The following TMEM170B variants were observed in gnomAD, a reference collection of about 807,000 sequenced individuals.
The protein encoded by TMEM170B is transmembrane protein 170B.
In TMEM170B, 6 loss-of-function variants were observed where a neutral mutation model predicts 13.0. The observed-to-expected ratio is 0.46, with a 90% CI of 0.25 to 0.91. The LOEUF is 0.91. Ranked by LOEUF, TMEM170B falls within the 40% of genes least tolerant of loss-of-function variation. The pLI, the probability that TMEM170B is intolerant of heterozygous loss-of-function variation, is 0.17. For missense variants in TMEM170B, 138 were observed against 165.2 expected, an observed-to-expected ratio of 0.84 and a Z score of 0.90; for synonymous variants, 61 against 64.9, an observed-to-expected ratio of 0.94 and a Z score of 0.29.
At position 11,575,434 on chromosome 6, in the gene TMEM170B, C is replaced by G; in HGVS notation, c.272C>G (p.Ala91Gly). ...ASVTGAMITS[A>G]AVAGIYRVAG... ...TTTTTCTCCCGTTTCTCCTTAGGTGCAGCAGTAGCGGGCATTTACAGAGTA... is the reference window on the plus strand; with the variant it reads ...TTTTTCTCCCGTTTCTCCTTAGGTGGAGCAGTAGCGGGCATTTACAGAGTA... The change falls in exon 3 of 3, where the codon GCA becomes GGA. Residue 91 changes from alanine to glycine, a missense_variant. Coordinates refer to ENST00000379426, the MANE Select transcript of TMEM170B (RefSeq NM_001100829.3). This position sits in a 1 kb window ranked among gnomAD's most constrained non-coding sequence, Gnocchi z 4.1. 6.2e-7 allele frequency: 1 copy of G among 1,613,294 alleles called. No individual in the cohort carries two copies. The highest frequency in any genetic ancestry group is 8.5e-7 in the Non-Finnish European group (1 of 1,179,458).
chr6:11,549,048 A>G (rs931764086), intron 1 of TMEM170B, among the ~76,000 whole-genome samples: 3 of 152,176 alleles, frequency 2.0e-5, no homozygotes, highest in Admixed American at 6.5e-5. Context: ...CGTTGTGCAC[A>G]TGTACCCTAG....
intron 1 of TMEM170B, among the ~76,000 whole-genome samples, chr6:11,539,347 G>A (rs569972322): frequency 6.6e-6 from 1 of 152,252 alleles, no homozygotes; most frequent in South Asian, 2.1e-4. Flanking sequence ...AATGTGTAAG[G>A]CAGTTAATTT....
Position 11,575,701 on chromosome 6 carries a change from T to C in TMEM170B, c.*140T>C. ...AAAGCATAAGGAAGACCTTGAGCTG[T>C]GTGGAAGGATTGCCCTCTGGTGTTC... On this transcript the variant is annotated 3_prime_UTR_variant, in exon 3 of 3. Transcript: ENST00000379426. This position sits in a 1 kb window ranked among gnomAD's most constrained non-coding sequence, Gnocchi z 4.1. The C allele has an allele frequency of 3.0e-6, 3 of 1,010,842 alleles. No homozygotes were observed. Among genetic ancestry groups the C allele is most frequent in the Non-Finnish European group, 4.3e-6 (3 of 692,072 alleles). 62.6% of individuals were successfully genotyped at this position (1,010,842 alleles called of 1,614,324 possible). A position where few individuals can be genotyped will look rare whatever the true frequency, so the allele number is the denominator to read the frequency against.
intron 1 of TMEM170B, among the ~76,000 whole-genome samples, chr6:11,545,619 AAGT>A (rs1759428034): frequency 6.6e-6 from 1 of 152,080 alleles, no homozygotes; most frequent in Non-Finnish European, 1.5e-5. Context: ...TGTTGTATAA[AAGT>A]AGAGCATATA....
At chr6:11,540,259 C>T (rs1759341529) in intron 1 of TMEM170B, among the ~76,000 whole-genome samples, 2 of 152,172 alleles carry the variant, frequency 1.3e-5, no homozygotes, top group African/African-American at 4.8e-5. Context: ...TTCTCTGTAG[C>T]ATGGGATGCT....
At chr6:11,566,868 T>G (rs1759741149) in intron 2 of TMEM170B, among the ~76,000 whole-genome samples, 1 of 152,240 alleles carries the variant, frequency 6.6e-6, no homozygotes, top group Admixed American at 6.5e-5. Flanking sequence ...TCTGAGGCTT[T>G]CTTCCGTTTT....
intron 1 of TMEM170B, among the ~76,000 whole-genome samples, chr6:11,541,500 TTCTC>T (rs1428596055): frequency 3.3e-5 from 5 of 152,236 alleles, no homozygotes; most frequent in Admixed American, 3.3e-4. Context: ...GTTGGGGTCT[TTCTC>T]TGGGTTAGGC....
intron 1 of TMEM170B, among the ~76,000 whole-genome samples, chr6:11,544,699 T>G (rs1042349489): frequency 6.6e-6 from 1 of 152,212 alleles, no homozygotes; most frequent in Non-Finnish European, 1.5e-5. Flanking sequence ...TGTCACTTAA[T>G]AACCATTGCC....
intron 2 of TMEM170B, among the ~76,000 whole-genome samples, chr6:11,571,725 G>C: frequency 6.6e-6 from 1 of 152,066 alleles, no homozygotes; most frequent in Non-Finnish European, 1.5e-5. Context: ...CCTAAGGAGA[G>C]TGAAAACTAA....
intron 1 of TMEM170B, among the ~76,000 whole-genome samples, chr6:11,548,403 G>C (rs898740705): frequency 6.6e-6 from 1 of 152,086 alleles, no homozygotes; most frequent in Non-Finnish European, 1.5e-5. Context: ...TTAGAATGGC[G>C]ATCATTAAAA....
At chr6:11,560,875 A>T (rs1041260137) in intron 1 of TMEM170B, among the ~76,000 whole-genome samples, 1 of 152,224 alleles carries the variant, frequency 6.6e-6, no homozygotes, top group Non-Finnish European at 1.5e-5. Flanking sequence ...TTCATTTCTC[A>T]TAAATAATGT....
At chr6:11,555,699 T>C (rs1299275872) in intron 1 of TMEM170B, among the ~76,000 whole-genome samples, 2 of 152,230 alleles carry the variant, frequency 1.3e-5, no homozygotes, top group African/African-American at 2.4e-5. Flanking sequence ...CTAGAGACTT[T>C]AACATATTAA....
intron 1 of TMEM170B, among the ~76,000 whole-genome samples, chr6:11,548,624 G>A (rs961794372): frequency 5.3e-5 from 8 of 152,138 alleles, no homozygotes; most frequent in Admixed American, 2.0e-4. Flanking sequence ...ACATGCACAC[G>A]TATGTTTATT....
intron 1 of TMEM170B, among the ~76,000 whole-genome samples, chr6:11,565,177 G>A (rs1759718169): frequency 6.6e-6 from 1 of 152,134 alleles, no homozygotes; most frequent in Non-Finnish European, 1.5e-5. Flanking sequence ...AGTATACCAA[G>A]TTCAGGGCCA....
intron 2 of TMEM170B, among the ~76,000 whole-genome samples, chr6:11,568,707 A>T (rs1759764510): frequency 1.3e-5 from 2 of 152,218 alleles, no homozygotes; most frequent in African/African-American, 4.8e-5. Context: ...ACCTGCAAAC[A>T]GGTGAATTAG....
At chr6:11,553,424 CCCTT>C (rs1011525247) in intron 1 of TMEM170B, among the ~76,000 whole-genome samples, 3 of 152,132 alleles carry the variant, frequency 2.0e-5, no homozygotes, top group African/African-American at 7.2e-5. Flanking sequence ...ATTTCCACCT[CCCTT>C]CTTGGATAAT....
chr6:11,558,564 T>C (rs893146083), intron 1 of TMEM170B, among the ~76,000 whole-genome samples: 1 of 152,204 alleles, frequency 6.6e-6, no homozygotes, highest in Non-Finnish European at 1.5e-5. Flanking sequence ...TCATCATTTA[T>C]TTTAGGCTCT....
intron 1 of TMEM170B, among the ~76,000 whole-genome samples, chr6:11,541,101 A>C (rs1341778996): frequency 1.3e-5 from 2 of 152,138 alleles, no homozygotes; most frequent in African/African-American, 4.8e-5. Flanking sequence ...TAGATTTAGC[A>C]TAATTCTCAA....
chr6:11,572,643 A>T (rs1031009186), intron 2 of TMEM170B, among the ~76,000 whole-genome samples: 1 of 152,162 alleles, frequency 6.6e-6, no homozygotes, highest in African/African-American at 2.4e-5. Flanking sequence ...TTCATTATGT[A>T]AAACTCAAAA....
Sources: allele counts gnomAD v4.1 joint callset (sites outside exome capture counted in the v4.1 genomes callset), GRCh38; gene constraint gnomAD v4.1.1; non-coding constraint Gnocchi (gnomAD v3.1); transcripts MANE v1.5; gene names NCBI Gene and HGNC (gene_info 2026-07-23, HGNC 2026-07-21).